The following SOS2 variants were observed in gnomAD, a reference collection of about 807,000 sequenced individuals.
The protein encoded by SOS2 is SOS Ras/Rho guanine nucleotide exchange factor 2.
In SOS2, 65 loss-of-function variants were observed where a neutral mutation model predicts 148.2. That is an observed-to-expected ratio of 0.44 (90% CI 0.36 to 0.54). The LOEUF is 0.54. Ranked by LOEUF, SOS2 falls within the 20% of genes least tolerant of loss-of-function variation. The pLI, the probability that SOS2 is intolerant of heterozygous loss-of-function variation, is 0.00. For missense variants in SOS2, 1,341 were observed against 1,590.2 expected, an observed-to-expected ratio of 0.84 and a Z score of 2.67; for synonymous variants, 539 against 537.1, an observed-to-expected ratio of 1.00 and a Z score of -0.05.
intron 1 of SOS2, among the ~76,000 whole-genome samples, chr14:50,221,720 CCTAG>C (rs1355800782): frequency 1.3e-5 from 2 of 152,124 alleles, no homozygotes; most frequent in East Asian, 3.8e-4. Flanking sequence ...TGCCTGCAGT[CCTAG>C]CTACTCAGGA....
intron 12 of SOS2, among the ~76,000 whole-genome samples, chr14:50,153,820 C>T (rs1471682120): frequency 6.6e-6 from 1 of 152,138 alleles, no homozygotes; most frequent in Non-Finnish European, 1.5e-5. Flanking sequence ...ACCATGTTGG[C>T]CAGGCTGGTC....
At chr14:50,136,545 T>C (rs1884086423) in intron 18 of SOS2, among the ~76,000 whole-genome samples, 1 of 151,864 alleles carries the variant, frequency 6.6e-6, no homozygotes, top group South Asian at 2.1e-4. Flanking sequence ...ATGAAATAGG[T>C]CACCATCAGT....
chr14:50,154,697 A>T (rs900295893), intron 12 of SOS2, among the ~76,000 whole-genome samples: 1 of 152,236 alleles, frequency 6.6e-6, no homozygotes, highest in African/African-American at 2.4e-5. Context: ...AAGACACAAA[A>T]TTGAGTTTTT....
chr14:50,192,069 T>A (rs1170696740), intron 4 of SOS2, among the ~76,000 whole-genome samples: 2 of 143,030 alleles, frequency 1.4e-5, no homozygotes, highest in Non-Finnish European at 3.0e-5. Flanking sequence ...TGAGGATCAC[T>A]TGAGCTCTGG....
intron 1 of SOS2, among the ~76,000 whole-genome samples, chr14:50,224,863 G>A (rs973604793): frequency 1.6e-5 from 2 of 123,146 alleles, no homozygotes; most frequent in Admixed American, 9.8e-5. Context: ...TCCAGCCTGC[G>A]TAGCAGAGCA....
At chr14:50,218,840 C>A (rs1357944221) in intron 1 of SOS2, among the ~76,000 whole-genome samples, 2 of 151,922 alleles carry the variant, frequency 1.3e-5, no homozygotes, top group African/African-American at 4.8e-5. Flanking sequence ...AGCAGCCAGG[C>A]GTGGTGGCTC....
intron 8 of SOS2, among the ~76,000 whole-genome samples, chr14:50,164,068 A>ATTT: frequency 6.6e-6 from 1 of 152,206 alleles, no homozygotes; most frequent in African/African-American, 2.4e-5. Flanking sequence ...CAGCAGTGAG[A>ATTT]TTTGATAAAC....
At position 50,149,998 on chromosome 14, in the gene SOS2, A is replaced by G; in HGVS notation, c.2384+10T>C. ...AAAAATAAAGCAAGACATTAACATT[A>G]ATTGTCTACCTGTAAAGATCAGACT... On this transcript the variant is annotated intron_variant, in intron 14 of 22. Coordinates refer to ENST00000216373, the MANE Select transcript of SOS2 (RefSeq NM_006939.4). 6.6e-7 allele frequency: 1 copy of G among 1,517,154 alleles called. No individual in the cohort carries two copies. The highest frequency in any genetic ancestry group is 1.1e-5 in the South Asian group (1 of 88,868). The allele number at this position is 1,517,154 out of a possible 1,614,324, so 94.0% of individuals were successfully genotyped here. A position where few individuals can be genotyped will look rare whatever the true frequency, so the allele number is the denominator to read the frequency against.
At chr14:50,223,320 G>A (rs1313931979) in intron 1 of SOS2, among the ~76,000 whole-genome samples, 3 of 151,282 alleles carry the variant, frequency 2.0e-5, no homozygotes, top group Non-Finnish European at 4.4e-5. Context: ...GGAATGCTTG[G>A]GCCCAGGAGT....
In SOS2 at chr14:50,204,361, A is replaced by T; in HGVS notation, c.136T>A (p.Tyr46Asn). The stretch of plus-strand genomic sequence containing the variant: ...TGAAAAATCAGCTCTTCAATATAAT[A>T]GAGAGACTCTTCATTAGCTGAGAGA... ...PTLSANEESL[Y>N]YIEELIFQLL... is the part of the protein sequence containing the mutation. The change falls in exon 2 of 23, where the codon TAT (tyrosine) becomes AAT (asparagine). Residue 46 changes from tyrosine to asparagine, a missense_variant. Tyr to Asn is a moderately radical substitution (Grantham distance 143, BLOSUM62 -2). This residue lies in a region of SOS2 where 574 missense variants were observed against 711.1 expected (regional missense o/e 0.81). Transcript: ENST00000216373. The T allele has an allele frequency of 6.3e-7, 1 of 1,589,986 alleles. No individual in the cohort carries two copies. Among genetic ancestry groups the T allele is most frequent in the Non-Finnish European group, 8.6e-7 (1 of 1,159,866 alleles).
intron 4 of SOS2, among the ~76,000 whole-genome samples, chr14:50,197,219 T>C (rs1409062572): frequency 3.3e-5 from 5 of 152,176 alleles, no homozygotes; most frequent in African/African-American, 4.8e-5. Flanking sequence ...CATTAGTCCA[T>C]ATTAAATTTG....
At chr14:50,187,664 TAA>T (rs936994214) in intron 5 of SOS2, among the ~76,000 whole-genome samples, 10 of 152,196 alleles carry the variant, frequency 6.6e-5, no homozygotes, top group Non-Finnish European at 1.2e-4. Flanking sequence ...TAATTATTTT[TAA>T]AGTGTGGGCC....
intron 8 of SOS2, among the ~76,000 whole-genome samples, chr14:50,170,228 C>G (rs1235648496): frequency 1.3e-5 from 2 of 151,936 alleles, no homozygotes; most frequent in East Asian, 3.9e-4. Flanking sequence ...GCACCTTACC[C>G]CACTTTCTAA....
chr14:50,138,358 G>A lies in SOS2; in HGVS notation c.2958+254C>T, dbSNP rs757038076. Reference sequence around the variant, plus strand: ...ATATTTTTAGTAGAGACGGGGTTTCGCCATGCTGCCCAGGCTGGTCTCCAA... The same window carrying A: ...ATATTTTTAGTAGAGACGGGGTTTCACCATGCTGCCCAGGCTGGTCTCCAA... On this transcript the variant is annotated intron_variant, in intron 18 of 22. Transcript: ENST00000216373. Among the ~76,000 whole-genome samples, 80 of 150,754 alleles carry A rather than the reference G, an allele frequency of 5.3e-4. 1 individual carries two copies. The Middle Eastern group carries it at 0.018, about 33-fold the overall frequency.
chr14:50,201,534 A>T (rs1485630591), intron 2 of SOS2, among the ~76,000 whole-genome samples: 2 of 4,098 alleles, frequency 4.9e-4, no homozygotes, highest in African/African-American at 1.2e-3. Context: ...CCCCAACAGA[A>T]AAAAAAAAAA....
chr14:50,165,705 G>A (rs1343504151), intron 8 of SOS2, among the ~76,000 whole-genome samples: 1 of 152,138 alleles, frequency 6.6e-6, no homozygotes, highest in African/African-American at 2.4e-5. Flanking sequence ...CCACTAGGTG[G>A]TTGTCAGAAG....
intron 18 of SOS2, among the ~76,000 whole-genome samples, chr14:50,138,362 T>C (rs1594964653): frequency 6.6e-6 from 1 of 151,972 alleles, no homozygotes. Context: ...GGTTTCGCCA[T>C]GCTGCCCAGG....
At chr14:50,124,790 G>C (rs1053411343) in intron 21 of SOS2, among the ~76,000 whole-genome samples, 8 of 152,086 alleles carry the variant, frequency 5.3e-5, no homozygotes, top group Non-Finnish European at 1.0e-4. Flanking sequence ...ATTGTGAATG[G>C]AGTCTTGCCA....
intron 2 of SOS2, among the ~76,000 whole-genome samples, chr14:50,203,278 G>A (rs980639463): frequency 1.3e-5 from 2 of 152,112 alleles, no homozygotes; most frequent in Non-Finnish European, 1.5e-5. Flanking sequence ...TGAGGCAGGA[G>A]AATAGCTTGA....
Sources: allele counts gnomAD v4.1 joint callset (sites outside exome capture counted in the v4.1 genomes callset), GRCh38; gene constraint gnomAD v4.1.1; regional missense constraint gnomAD v4.1.1; transcripts MANE v1.5; gene names NCBI Gene and HGNC (gene_info 2026-07-23, HGNC 2026-07-21).